TRPC7: variants seen among roughly 807,000 people sequenced by gnomAD.
TRPC7 encodes the protein transient receptor potential cation channel subfamily C member 7, also known as short transient receptor potential channel 7.
A neutral mutation model predicts 90.1 loss-of-function variants in TRPC7; 42 were observed. That is an observed-to-expected ratio of 0.47 (90% CI 0.36 to 0.60). The LOEUF (loss-of-function observed/expected upper bound fraction) is 0.60. TRPC7 is among the 20% of genes least tolerant of loss of function. The pLI is 0.00. For synonymous variants in TRPC7, 451 were observed against 436.3 expected (o/e 1.03, Z -0.42); for missense variants, 955 against 1,112.3 (o/e 0.86, Z 2.01).
At chr5:136,293,653 A>G (rs1259075891) in intron 3 of TRPC7, among the ~76,000 whole-genome samples, 1 of 152,244 alleles carries the variant, frequency 6.6e-6, no homozygotes, top group Non-Finnish European at 1.5e-5. Context: ...ATACAAGCAA[A>G]TGGGAGAACA....
intron 3 of TRPC7, among the ~76,000 whole-genome samples, chr5:136,284,303 G>A (rs1459870010): frequency 1.3e-5 from 2 of 152,214 alleles, no homozygotes. Flanking sequence ...ATGTGTGTAT[G>A]TGCACACGTG....
At chr5:136,267,351 C>G (rs887894779) in intron 4 of TRPC7, among the ~76,000 whole-genome samples, 1 of 152,176 alleles carries the variant, frequency 6.6e-6, no homozygotes, top group African/African-American at 2.4e-5. Flanking sequence ...ATCTAAGCAC[C>G]AAGCCCTACC....
chr5:136,334,272 G>A (rs1274401010), intron 2 of TRPC7, among the ~76,000 whole-genome samples: 1 of 152,156 alleles, frequency 6.6e-6, no homozygotes, highest in African/African-American at 2.4e-5. Context: ...AGTAATTAAA[G>A]AGCACCATAT....
intron 2 of TRPC7, among the ~76,000 whole-genome samples, chr5:136,348,301 A>C (rs1303759853): frequency 6.6e-6 from 1 of 152,132 alleles, no homozygotes; most frequent in African/African-American, 2.4e-5. Context: ...GTAGATCCAG[A>C]CCATGTTACT....
intron 2 of TRPC7, among the ~76,000 whole-genome samples, chr5:136,338,598 G>A (rs1032761922): frequency 3.9e-5 from 6 of 152,218 alleles, no homozygotes; most frequent in Admixed American, 3.3e-4. Context: ...TTGAGCCTGT[G>A]ACCTTTATGT....
chr5:136,242,436 C>T (rs1756202321), intron 7 of TRPC7, among the ~76,000 whole-genome samples: 1 of 152,150 alleles, frequency 6.6e-6, no homozygotes, highest in Non-Finnish European at 1.5e-5. Flanking sequence ...CAACCCAGAC[C>T]TTTGAGAAAA....
At chr5:136,225,480 A>C in intron 9 of TRPC7, 126 bp from the exon 10 acceptor site, 2 of 846,922 alleles carry the variant, frequency 2.4e-6, no homozygotes, top group Non-Finnish European at 3.7e-6. Context: ...TTGAAAGCTG[A>C]TTTACCTGGT....
chr5:136,279,591 C>T (rs1757478687), intron 3 of TRPC7, among the ~76,000 whole-genome samples: 1 of 152,128 alleles, frequency 6.6e-6, no homozygotes, highest in African/African-American at 2.4e-5. Flanking sequence ...AGTCAGCTTC[C>T]AGCTCGCTCC....
chr5:136,364,795 A>G (rs1384595370), intron 1 of TRPC7, among the ~76,000 whole-genome samples: 1 of 152,234 alleles, frequency 6.6e-6, no homozygotes, highest in Admixed American at 6.5e-5. Flanking sequence ...CAAGAAGAAA[A>G]GAAAAATGAC....
At chr5:136,272,868 A>C (rs543258281) in intron 4 of TRPC7, among the ~76,000 whole-genome samples, 1 of 152,118 alleles carries the variant, frequency 6.6e-6, no homozygotes, top group Non-Finnish European at 1.5e-5. Flanking sequence ...GGCCCAAGAA[A>C]TTCTAGAAAT....
rs187837955 is a variant in TRPC7 at position 136,224,332 on chromosome 5, G to C, written c.2343+942C>G. Among the ~76,000 whole-genome samples the C allele has an allele frequency of 1.8e-4, 27 of 152,290 alleles. No individual in the cohort carries two copies. In the East Asian group the frequency reaches 5.0e-3, roughly 28 times the overall value. ...TGATCCAAACGGATACAGAGATCTGGCATTCATTTCCAAAAGCAATGCAAG... is the reference window on the plus strand; with the variant it reads ...TGATCCAAACGGATACAGAGATCTGCCATTCATTTCCAAAAGCAATGCAAG... On this transcript the variant is annotated intron_variant, in intron 10 of 11. Coordinates refer to ENST00000513104, the MANE Select transcript of TRPC7 (RefSeq NM_020389.3).
At chr5:136,255,878 C>G (rs1425610442) in intron 5 of TRPC7, among the ~76,000 whole-genome samples, 1 of 152,202 alleles carries the variant, frequency 6.6e-6, no homozygotes, top group Non-Finnish European at 1.5e-5. Flanking sequence ...AGGTCTGCCC[C>G]TAGAGTTCAT....
intron 2 of TRPC7, among the ~76,000 whole-genome samples, chr5:136,320,507 G>T (rs534382786): frequency 1.7e-4 from 26 of 152,158 alleles, no homozygotes; most frequent in Middle Eastern, 3.4e-3. Context: ...ACTGATCTCT[G>T]GGTCACTCTC....
intron 7 of TRPC7, among the ~76,000 whole-genome samples, chr5:136,233,033 G>A (rs1157971712): frequency 2.6e-5 from 4 of 152,074 alleles, no homozygotes; most frequent in Non-Finnish European, 5.9e-5. Flanking sequence ...CTCTTGACTC[G>A]CATGAATTTA....
At chr5:136,213,987 A>G in intron 11 of TRPC7, 1 of 187,834 alleles carries the variant, frequency 5.3e-6, no homozygotes, top group South Asian at 1.3e-4. Flanking sequence ...TAACCAGAGC[A>G]TTGCTTTTGA....
At chr5:136,279,538 C>T (rs1757477648) in intron 3 of TRPC7, among the ~76,000 whole-genome samples, 1 of 152,124 alleles carries the variant, frequency 6.6e-6, no homozygotes, top group African/African-American at 2.4e-5. Context: ...ACTGGGTTTC[C>T]AGTCTGGTTA....
At chr5:136,336,684 C>T (rs1043967483) in intron 2 of TRPC7, among the ~76,000 whole-genome samples, 3 of 152,040 alleles carry the variant, frequency 2.0e-5, no homozygotes, top group Non-Finnish European at 2.9e-5. Flanking sequence ...GGACAGGCCC[C>T]TGGGGTGTGA....
intron 2 of TRPC7, among the ~76,000 whole-genome samples, chr5:136,343,981 A>G (rs1442319241): frequency 6.6e-6 from 1 of 152,254 alleles, no homozygotes; most frequent in Non-Finnish European, 1.5e-5. Context: ...ACGCATGTGT[A>G]TGTTAATCAC....
At chr5:136,251,917 G>A (rs138690706) in intron 5 of TRPC7, 35 bp from the exon 6 acceptor site, 2 of 1,572,620 alleles carry the variant, frequency 1.3e-6, no homozygotes, top group Admixed American at 1.7e-5. Context: ...CTCACTTTTC[G>A]TTTCTCTTGG....
Sources: gnomAD v4.1 joint callset for allele counts (sites outside exome capture counted in the v4.1 genomes callset) on GRCh38, gnomAD v4.1.1 for gene constraint, MANE v1.5 for transcripts, NCBI Gene and HGNC (gene_info 2026-07-23, HGNC 2026-07-21) for gene names.